CNTNAP2: variants seen among roughly 807,000 people sequenced by gnomAD.
The protein encoded by CNTNAP2 is contactin-associated protein-like 2.
In CNTNAP2, 98 loss-of-function variants were observed where a neutral mutation model predicts 155.2. That is an observed-to-expected ratio of 0.63 (90% CI 0.54 to 0.75). The LOEUF (loss-of-function observed/expected upper bound fraction) is 0.75, where lower values mean the gene tolerates loss of function less well. Ranked by LOEUF, CNTNAP2 falls within the 30% of genes least tolerant of loss-of-function variation. CNTNAP2 has a pLI of 0.00. For missense variants in CNTNAP2, 1,727 were observed against 1,688.1 expected (o/e 1.02, Z -0.40); for synonymous variants, 651 against 631.2 (o/e 1.03, Z -0.47).
chr7:147,851,806 T>C (rs1014430547), intron 13 of CNTNAP2, among the ~76,000 whole-genome samples: 1 of 151,854 alleles, frequency 6.6e-6, no homozygotes, highest in Admixed American at 6.6e-5. Context: ...ATATACCTAA[T>C]GTAAATGACG....
intron 13 of CNTNAP2, among the ~76,000 whole-genome samples, chr7:147,694,480 T>C (rs111517828): frequency 0.01 from 1,592 of 152,254 alleles, 20 homozygotes; most frequent in African/African-American, 0.036. Context: ...GCCTGCTGTT[T>C]CCTGATTTAG....
intron 1 of CNTNAP2, among the ~76,000 whole-genome samples, chr7:146,622,718 A>T (rs1799348844): frequency 6.6e-6 from 1 of 152,036 alleles, no homozygotes; most frequent in Non-Finnish European, 1.5e-5. Flanking sequence ...GCACTTTGGG[A>T]GGCCGAGGCA....
intron 1 of CNTNAP2, among the ~76,000 whole-genome samples, chr7:146,759,525 C>G (rs1053227752): frequency 1.3e-5 from 2 of 151,692 alleles, no homozygotes; most frequent in Admixed American, 6.6e-5. Flanking sequence ...AACCCCATCT[C>G]TACTAAAAAT....
chr7:147,533,244 G>A (rs1799473925), intron 11 of CNTNAP2, among the ~76,000 whole-genome samples: 1 of 152,124 alleles, frequency 6.6e-6, no homozygotes, highest in Non-Finnish European at 1.5e-5. Context: ...CAAATTCAAA[G>A]ATAATGTTTA....
chr7:147,205,506 T>A (rs1390028837), intron 8 of CNTNAP2, among the ~76,000 whole-genome samples: 2 of 152,154 alleles, frequency 1.3e-5, no homozygotes, highest in Non-Finnish European at 2.9e-5. Flanking sequence ...TATCTTTACA[T>A]TTTTGTGTCC....
At chr7:147,061,884 C>A (rs1298826119) in intron 4 of CNTNAP2, among the ~76,000 whole-genome samples, 2 of 151,944 alleles carry the variant, frequency 1.3e-5, no homozygotes, top group African/African-American at 2.4e-5. Flanking sequence ...CCTGTAATCC[C>A]AGCACTTTGG....
intron 12 of CNTNAP2, among the ~76,000 whole-genome samples, 184 bp downstream of exon 12, chr7:147,562,441 T>G (rs1412675530): frequency 6.6e-6 from 1 of 152,228 alleles, no homozygotes; most frequent in African/African-American, 2.4e-5. Flanking sequence ...ATTTTGACAC[T>G]GTGCTTTTCA....
chr7:148,365,726 A>G lies in CNTNAP2; in HGVS notation c.3476-17923A>G, dbSNP rs1474441506. Among the ~76,000 whole-genome samples, 5 of 48,154 alleles carry G rather than the reference A, an allele frequency of 1.0e-4. 1 individual carries two copies. The highest frequency in any genetic ancestry group is 2.6e-4 in the African/African-American group (5 of 19,462). 31.6% of individuals were successfully genotyped at this position (48,154 alleles called of 152,430 possible). On this transcript the variant is annotated intron_variant, in intron 21 of 23. Transcript: ENST00000361727. ...TACTTTTATATATATGTATACGTGTATATATGTATGTGTATACATGTATAC... is the reference window on the plus strand; with the variant it reads ...TACTTTTATATATATGTATACGTGTGTATATGTATGTGTATACATGTATAC...
At chr7:147,685,096 C>T (rs1256516819) in intron 13 of CNTNAP2, among the ~76,000 whole-genome samples, 2 of 151,896 alleles carry the variant, frequency 1.3e-5, no homozygotes, top group African/African-American at 4.8e-5. Flanking sequence ...TTGCATAAAA[C>T]CTCAGTGTTT....
rs1795404564 is a variant in CNTNAP2 at position 148,203,810 on chromosome 7, A to G, written c.3011-13478A>G. On this transcript the variant is annotated intron_variant, in intron 18 of 23. Transcript: ENST00000361727. ...GTCTGGTTTTCATAGAAACAAGTGC[A>G]AAACAAGCCAGAGGGGTCATTGCCA... Among the ~76,000 whole-genome samples the G allele has an allele frequency of 6.6e-5, 10 of 152,218 alleles. No individual in the cohort carries two copies. The South Asian group carries it at 2.1e-3, about 31-fold the overall frequency.
chr7:148,404,501 A>AG (rs11454956), intron 22 of CNTNAP2, among the ~76,000 whole-genome samples: 84,603 of 152,056 alleles, frequency 0.56, 24,199 homozygotes, highest in African/African-American at 0.63. Context: ...GACTTGCAAC[A>AG]GGGTACAGCT....
At chr7:146,968,148 C>G (rs1181501318) in intron 3 of CNTNAP2, among the ~76,000 whole-genome samples, 2 of 151,206 alleles carry the variant, frequency 1.3e-5, no homozygotes, top group East Asian at 3.9e-4. Flanking sequence ...CCTTGCATCC[C>G]AGGGATGAAG....
intron 1 of CNTNAP2, among the ~76,000 whole-genome samples, chr7:146,689,247 A>G (rs1210087459): frequency 2.6e-5 from 4 of 152,084 alleles, no homozygotes; most frequent in Non-Finnish European, 5.9e-5. Context: ...GTGGTGATCA[A>G]AATGCCTACC....
chr7:146,856,191 A>C (rs951699907), intron 3 of CNTNAP2, among the ~76,000 whole-genome samples: 1 of 152,000 alleles, frequency 6.6e-6, no homozygotes, highest in Non-Finnish European at 1.5e-5. Flanking sequence ...CCTTTAGAGA[A>C]AAATAGAAAT....
intron 2 of CNTNAP2, among the ~76,000 whole-genome samples, chr7:146,832,805 C>T (rs1803539153): frequency 6.6e-6 from 1 of 151,944 alleles, no homozygotes; most frequent in Admixed American, 6.6e-5. Flanking sequence ...AAGCGATTCT[C>T]CTGCCTCAGC....
chr7:147,734,028 C>T (rs1221264040), intron 13 of CNTNAP2, among the ~76,000 whole-genome samples: 2 of 152,120 alleles, frequency 1.3e-5, no homozygotes, highest in Non-Finnish European at 2.9e-5. Flanking sequence ...GCCTGACTGC[C>T]CTGGCCAGAA....
intron 9 of CNTNAP2, among the ~76,000 whole-genome samples, chr7:147,325,158 G>C (rs891143770): frequency 6.6e-6 from 1 of 152,018 alleles, no homozygotes; most frequent in East Asian, 1.9e-4. Flanking sequence ...AAATTAGCTG[G>C]GCATGGTGGC....
chr7:147,094,567 A>ATT (rs769148177), intron 4 of CNTNAP2, among the ~76,000 whole-genome samples: 184 of 145,800 alleles, frequency 1.3e-3, no homozygotes, highest in Non-Finnish European at 2.1e-3. Context: ...ACGCCTGGCT[A>ATT]TTTTTTTTTT....
At chr7:147,912,827 G>A (rs993501800) in intron 14 of CNTNAP2, among the ~76,000 whole-genome samples, 2 of 152,176 alleles carry the variant, frequency 1.3e-5, no homozygotes, top group Non-Finnish European at 2.9e-5. Context: ...CAGGCTGATT[G>A]ATAGTGCAAT....
Sources: gnomAD v4.1 joint callset for allele counts (sites outside exome capture counted in the v4.1 genomes callset) on GRCh38, gnomAD v4.1.1 for gene constraint, MANE v1.5 for transcripts, NCBI Gene and HGNC (gene_info 2026-07-23, HGNC 2026-07-21) for gene names.